AFAP1: variants seen among roughly 807,000 people sequenced by gnomAD.
AFAP1 encodes the protein actin filament-associated protein 1.
Under a neutral mutation model 93.9 loss-of-function variants are expected in AFAP1, and 75 were observed. That is an observed-to-expected ratio of 0.80 (90% CI 0.66 to 0.97). The LOEUF (loss-of-function observed/expected upper bound fraction) is 0.97, where lower values mean the gene tolerates loss of function less well. Ranked by LOEUF, AFAP1 falls within the 50% of genes least tolerant of loss-of-function variation. The pLI is 0.00. For synonymous variants in AFAP1, 517 were observed against 430.7 expected (o/e 1.20, Z -2.48); for missense variants, 1,201 against 1,050.8 (o/e 1.14, Z -1.98).
In AFAP1 at chr4:7,763,566, T is replaced by A. The variant is rs1289831208; in HGVS notation, c.*199A>T. On this transcript the variant is annotated 3_prime_UTR_variant, in exon 18 of 18. Coordinates refer to ENST00000420658, the MANE Select transcript of AFAP1 (RefSeq NM_001134647.2). ...CAAAGTTGGGAACCAAAGTCTTACA[T>A]CTTTTTTAAAGGCGCCATTTTACAG... 1 of 599,518 alleles carries A rather than the reference T, an allele frequency of 1.7e-6. No individual in the cohort carries two copies. Among genetic ancestry groups the A allele is most frequent in the African/African-American group, 1.9e-5 (1 of 53,504 alleles). 37.1% of individuals were successfully genotyped at this position (599,518 alleles called of 1,614,324 possible).
chr4:7,810,934 C>T lies in AFAP1; in HGVS notation c.905-1171G>A, dbSNP rs149765581. 3.1e-3 allele frequency among the ~76,000 whole-genome samples: 469 copies of T among 152,314 alleles called. 1 individual carries two copies. The highest frequency in any genetic ancestry group is 4.7e-3 in the Non-Finnish European group (318 of 68,028). On this transcript the variant is annotated intron_variant, in intron 8 of 17. Coordinates refer to ENST00000420658, the MANE Select transcript of AFAP1 (RefSeq NM_001134647.2). ...TCTCTCCACTGCCGAGGGCTCTGTC[C>T]GTGACCTCCGGCGGAATTGCAGGGG... is the stretch of plus-strand genomic sequence containing the variant.
intron 1 of AFAP1, among the ~76,000 whole-genome samples, chr4:7,882,453 C>G (rs1717906985): frequency 6.6e-6 from 1 of 150,684 alleles, no homozygotes; most frequent in Admixed American, 6.6e-5. Flanking sequence ...AGAGATAGCA[C>G]AAAAAAGAAA....
At chr4:7,916,846 G>C (rs1480015766) in intron 1 of AFAP1, among the ~76,000 whole-genome samples, 1 of 152,212 alleles carries the variant, frequency 6.6e-6, no homozygotes, top group South Asian at 2.1e-4. Context: ...CTTGCACTAG[G>C]GGCCCAGGGC....
chr4:7,833,589 C>CTTT (rs33990733), intron 6 of AFAP1, among the ~76,000 whole-genome samples: 1,465 of 131,764 alleles, frequency 0.011, 21 homozygotes, highest in African/African-American at 0.025. Context: ...GTGGAGATGT[C>CTTT]TTTTTTTTTT....
intron 1 of AFAP1, among the ~76,000 whole-genome samples, chr4:7,931,492 G>A (rs1370560366): frequency 6.6e-6 from 1 of 151,816 alleles, no homozygotes; most frequent in African/African-American, 2.4e-5. Flanking sequence ...ATTGGGATCA[G>A]GTGATCAACC....
At chr4:7,766,025 C>T (rs1411352641) in intron 17 of AFAP1, among the ~76,000 whole-genome samples, 2 of 152,224 alleles carry the variant, frequency 1.3e-5, no homozygotes, top group East Asian at 3.8e-4. Context: ...CACTGCACGT[C>T]TCCGCATGCT....
At chr4:7,899,865 TAAATA>T (rs1205271038) in intron 1 of AFAP1, among the ~76,000 whole-genome samples, 1 of 151,638 alleles carries the variant, frequency 6.6e-6, no homozygotes, top group Non-Finnish European at 1.5e-5. Context: ...TAAAAATAAA[TAAATA>T]AATAAATAAA....
At chr4:7,842,406 C>G (rs1713141329) in intron 5 of AFAP1, among the ~76,000 whole-genome samples, 1 of 150,588 alleles carries the variant, frequency 6.6e-6, no homozygotes, top group Non-Finnish European at 1.5e-5. Flanking sequence ...TAATTTTGAG[C>G]AATGATTCCC....
chr4:7,834,865 T>G (rs1199698810), intron 6 of AFAP1, among the ~76,000 whole-genome samples: 2 of 152,230 alleles, frequency 1.3e-5, no homozygotes, highest in Non-Finnish European at 1.5e-5. Context: ...TTGAATGGAC[T>G]GCGGGTGGCC....
At chr4:7,933,772 G>A (rs1230904535) in intron 1 of AFAP1, among the ~76,000 whole-genome samples, 2 of 152,134 alleles carry the variant, frequency 1.3e-5, no homozygotes, top group African/African-American at 2.4e-5. Flanking sequence ...CCTCAGTCCT[G>A]CAACCACAAG....
At chr4:7,779,008 G>A (rs542686183) in intron 13 of AFAP1, 132 bp from the exon 14 acceptor site, 27 of 677,574 alleles carry the variant, frequency 4.0e-5, no homozygotes, top group Admixed American at 8.8e-5. Context: ...AGGAAAAATC[G>A]AAAGTGAAAG....
chr4:7,812,864 G>A (rs1352651475), intron 8 of AFAP1, among the ~76,000 whole-genome samples: 1 of 152,182 alleles, frequency 6.6e-6, no homozygotes, highest in Non-Finnish European at 1.5e-5. Context: ...TTTATTCAAT[G>A]ACTTTTACCA....
At chr4:7,925,760 G>C (rs962969650) in intron 1 of AFAP1, among the ~76,000 whole-genome samples, 1 of 151,900 alleles carries the variant, frequency 6.6e-6, no homozygotes, top group African/African-American at 2.4e-5. Flanking sequence ...CAGGAGAATC[G>C]CTTGAACCTG....
At chr4:7,805,925 A>G (rs1466579059) in intron 9 of AFAP1, among the ~76,000 whole-genome samples, 1 of 152,042 alleles carries the variant, frequency 6.6e-6, no homozygotes, top group African/African-American at 2.4e-5. Context: ...TGGCCTGGGG[A>G]GGGGGAAGCA....
chr4:7,802,894 C>T (rs1279255859), intron 9 of AFAP1, among the ~76,000 whole-genome samples: 3 of 152,106 alleles, frequency 2.0e-5, no homozygotes, highest in South Asian at 4.1e-4. Flanking sequence ...TGTGATCCAC[C>T]CGCCTCGGCC....
At chr4:7,879,690 G>A (rs1717729193) in intron 1 of AFAP1, among the ~76,000 whole-genome samples, 1 of 138,910 alleles carries the variant, frequency 7.2e-6, no homozygotes, top group Middle Eastern at 3.7e-3. Flanking sequence ...AATTATCTCT[G>A]CTTGCTTGCT....
intron 1 of AFAP1, among the ~76,000 whole-genome samples, chr4:7,879,106 C>G (rs533085974): frequency 6.6e-6 from 1 of 152,172 alleles, no homozygotes. Context: ...ACCCAACTTC[C>G]TCAATGTACT....
intron 1 of AFAP1, among the ~76,000 whole-genome samples, chr4:7,917,234 C>T (rs1033558777): frequency 1.3e-5 from 2 of 152,096 alleles, no homozygotes; most frequent in African/African-American, 4.8e-5. Flanking sequence ...AGCACTCCAG[C>T]GAACAAAAGG....
chr4:7,883,185 C>CA (rs34238719), intron 1 of AFAP1, among the ~76,000 whole-genome samples: 9,016 of 49,562 alleles, frequency 0.18, 996 homozygotes, highest in East Asian at 0.47. Flanking sequence ...AACCCTATCT[C>CA]AAAAAAAAAA....
Sources: gnomAD v4.1 joint callset for allele counts (sites outside exome capture counted in the v4.1 genomes callset) on GRCh38, gnomAD v4.1.1 for gene constraint, MANE v1.5 for transcripts, NCBI Gene and HGNC (gene_info 2026-07-23, HGNC 2026-07-21) for gene names.